The following GALNT15 variants were observed in gnomAD, a reference collection of about 807,000 sequenced individuals.
The protein encoded by GALNT15 is polypeptide N-acetylgalactosaminyltransferase 15.
GALNT15 carries 67 observed loss-of-function variants against 66.8 expected under a neutral mutation model. That is an observed-to-expected ratio of 1.00 (90% CI 0.82 to 1.23). The LOEUF (loss-of-function observed/expected upper bound fraction) is 1.23, where lower values mean the gene tolerates loss of function less well. GALNT15 is among the 50% of genes most tolerant of loss of function. GALNT15 has a pLI of 0.00. For missense variants in GALNT15, 827 were observed against 804.3 expected (o/e 1.03, Z -0.34); for synonymous variants, 313 against 311.5 (o/e 1.00, Z -0.05).
rs1337193355 is a variant in GALNT15, at chr3:16,195,808, C to G, written c.588C>G (p.Ile196Met). ...ACAGCCTGCCCACAGCCAGCGTCAT[C>G]CTCTGTTTCCATGATGAGGCCTGGT... ...PQDSLPTASV[I>M]LCFHDEAWST... is the part of the protein sequence containing the mutation. The change falls in exon 2 of 10, where the codon ATC becomes ATG. Residue 196 changes from isoleucine to methionine, a missense_variant. Physicochemically the swap from Ile to Met is conservative, Grantham distance 10 (BLOSUM62 1). Transcript: ENST00000339732. The surrounding 1 kb of genome is among the most constrained non-coding windows in gnomAD (Gnocchi z 4.6). The G allele has an allele frequency of 1.4e-5, 22 of 1,613,844 alleles. No individual in the cohort carries two copies. Among genetic ancestry groups the G allele is most frequent in the Non-Finnish European group, 1.6e-5 (19 of 1,179,918 alleles).
At position 16,227,344 on chromosome 3, in the gene GALNT15, C is replaced by T. The variant is rs761313063; in HGVS notation, c.1774-10C>T. ...CTGGTTTTCTTTTCTTTTTTCCTTT[C>T]TCTTTTTAGAATGGGATGATTGTCC... On this transcript the variant is annotated splice_polypyrimidine_tract_variant and intron_variant, in intron 9 of 9. Transcript: ENST00000339732. This position sits in a 1 kb window ranked among gnomAD's most constrained non-coding sequence, Gnocchi z 4.5. 2.0e-5 allele frequency: 32 copies of T among 1,595,296 alleles called. No homozygotes were observed. In the East Asian group the frequency reaches 2.0e-4, roughly 10 times the overall value.
At chr3:16,202,869 G>A (rs1431633564) in intron 3 of GALNT15, among the ~76,000 whole-genome samples, 1 of 152,192 alleles carries the variant, frequency 6.6e-6, no homozygotes, top group Non-Finnish European at 1.5e-5. Context: ...TGAGTTCCAG[G>A]AAAGTAAAAA....
Position 16,227,422 on chromosome 3 carries a change from T to C in GALNT15, c.1842T>C (p.Asp614=). The change falls in exon 10 of 10, where the codon GAT becomes GAC. Residue 614 remains aspartate, a synonymous_variant. Coordinates refer to ENST00000339732, the MANE Select transcript of GALNT15 (RefSeq NM_054110.5). The surrounding 1 kb of genome is among the most constrained non-coding windows in gnomAD (Gnocchi z 4.5). The part of the protein sequence containing the change: ...MEAVVQENNK[D]LYLRPCDGKA... Reference sequence around the variant, plus strand: ...CTGTGGTGCAAGAAAACAATAAAGATTTGTACCTGCGTCCGTGTGATGGAA... The same window carrying C: ...CTGTGGTGCAAGAAAACAATAAAGACTTGTACCTGCGTCCGTGTGATGGAA... 6.2e-7 allele frequency: 1 copy of C among 1,614,162 alleles called. No individual in the cohort carries two copies. The highest frequency in any genetic ancestry group is 8.5e-7 in the Non-Finnish European group (1 of 1,180,016).
At chr3:16,231,738 CT>C, downstream of GALNT15, 1 of 1,373,444 alleles carries the variant, frequency 7.3e-7, no homozygotes, top group Non-Finnish European at 1.0e-6. The surrounding 1 kb of genome is among the most constrained non-coding windows in gnomAD (Gnocchi z 4.1). Flanking sequence ...ATGACAAATG[CT>C]AAAATGATAC....
intron 6 of GALNT15, among the ~76,000 whole-genome samples, chr3:16,214,436 G>A (rs2063851136): frequency 6.6e-6 from 1 of 152,216 alleles, no homozygotes; most frequent in African/African-American, 2.4e-5. Flanking sequence ...TCCATCTGTT[G>A]TTAGGAAGAA....
downstream of GALNT15, among the ~76,000 whole-genome samples, chr3:16,233,092 A>ATGTTTTTTTTTTTT (rs771943641): frequency 4.2e-5 from 2 of 48,058 alleles, no homozygotes; most frequent in Admixed American, 2.1e-4. Flanking sequence ...AGGATAATGC[A>ATGTTTTTTTTTTTT]TCTTTTTTTT....
At position 16,174,857 on chromosome 3, in the gene GALNT15, T is replaced by A; in HGVS notation, c.-295T>A. 2.6e-6 allele frequency: 1 copy of A among 383,450 alleles called. No homozygotes were observed. The highest frequency in any genetic ancestry group is 4.3e-5 in the East Asian group (1 of 23,342). 23.8% of individuals were successfully genotyped at this position (383,450 alleles called of 1,614,324 possible). On this transcript the variant is annotated 5_prime_UTR_variant, in exon 1 of 10. Transcript: ENST00000339732. This position sits in a 1 kb window ranked among gnomAD's most constrained non-coding sequence, Gnocchi z 4.7. Reference sequence around the variant, plus strand: ...TTTTTTCCCAAGGAGAAAACCGGGGTAAAGGGAGGGAAGCAATTCAATTTG... The same window carrying A: ...TTTTTTCCCAAGGAGAAAACCGGGGAAAAGGGAGGGAAGCAATTCAATTTG...
intron 5 of GALNT15, among the ~76,000 whole-genome samples, chr3:16,212,005 C>G (rs1347894357): frequency 1.3e-5 from 2 of 152,196 alleles, no homozygotes; most frequent in East Asian, 1.9e-4. Context: ...AGTACTTCTA[C>G]TTTAACCTTT....
chr3:16,216,679 G>T (rs368961179), intron 6 of GALNT15, among the ~76,000 whole-genome samples: 43 of 152,296 alleles, frequency 2.8e-4, no homozygotes, highest in East Asian at 1.5e-3. Context: ...CCCCTGGCGG[G>T]GGCTGTTCAC....
At position 16,183,499 on chromosome 3, in the gene GALNT15, C is replaced by T. The variant is rs577986191; in HGVS notation, c.539+7809C>T. Among the ~76,000 whole-genome samples the T allele has an allele frequency of 6.6e-6, 1 of 152,330 alleles. No individual in the cohort carries two copies. Among genetic ancestry groups the T allele is most frequent in the East Asian group, 1.9e-4 (1 of 5,194 alleles). On this transcript the variant is annotated intron_variant, in intron 1 of 9. Coordinates refer to ENST00000339732, the MANE Select transcript of GALNT15 (RefSeq NM_054110.5). This position sits in a 1 kb window ranked among gnomAD's most constrained non-coding sequence, Gnocchi z 5.2. ...ATCTTGACAACCAACTTACACACTT[C>T]CTGAGAACAAGTTCAGTGTCTTTCT...
intron 1 of GALNT15, among the ~76,000 whole-genome samples, chr3:16,177,243 C>T (rs535836636): frequency 6.6e-6 from 1 of 152,324 alleles, no homozygotes; most frequent in South Asian, 2.1e-4. Context: ...TTTTTTGACA[C>T]TATTTTTCAC....
intron 3 of GALNT15, among the ~76,000 whole-genome samples, chr3:16,206,671 T>TAAAAAAAAAAAAAAA (rs1170870767): frequency 1.7e-5 from 1 of 60,046 alleles, no homozygotes; most frequent in African/African-American, 6.1e-5. Flanking sequence ...AGACTCTGTC[T>TAAAAAAAAAAAAAAA]AAAAAAAAAA....
At position 16,181,072 on chromosome 3, in the gene GALNT15, A is replaced by G. The variant is rs2063465534; in HGVS notation, c.539+5382A>G. 6.6e-6 allele frequency among the ~76,000 whole-genome samples: 1 copy of G among 152,206 alleles called. No individual in the cohort carries two copies. The highest frequency in any genetic ancestry group is 1.5e-5 in the Non-Finnish European group (1 of 68,046). Reference sequence around the variant, plus strand: ...TCCAAACAGAAGTTGCCCTTATCATATTCTTGAGTAAATGGCCTAGGAGTA... The same window carrying G: ...TCCAAACAGAAGTTGCCCTTATCATGTTCTTGAGTAAATGGCCTAGGAGTA... On this transcript the variant is annotated intron_variant, in intron 1 of 9. Coordinates refer to ENST00000339732, the MANE Select transcript of GALNT15 (RefSeq NM_054110.5). This position sits in a 1 kb window ranked among gnomAD's most constrained non-coding sequence, Gnocchi z 5.9.
At chr3:16,222,489 C>T in intron 8 of GALNT15, 126 bp from the exon 9 acceptor site, 1 of 1,177,870 alleles carries the variant, frequency 8.5e-7, no homozygotes, top group Non-Finnish European at 1.2e-6. Flanking sequence ...TATGGTCTTT[C>T]TGACCCCGAT....
Position 16,187,141 on chromosome 3 carries a change from G to GA in GALNT15, c.540-8619_540-8618insA, listed in dbSNP as rs2063525910. Among the ~76,000 whole-genome samples the GA allele has an allele frequency of 1.3e-5, 2 of 152,064 alleles. No homozygotes were observed. Among genetic ancestry groups the GA allele is most frequent in the African/African-American group, 4.8e-5 (2 of 41,406 alleles). On this transcript the variant is annotated intron_variant, in intron 1 of 9. Transcript: ENST00000339732. This position sits in a 1 kb window ranked among gnomAD's most constrained non-coding sequence, Gnocchi z 5.1. Reference sequence around the variant, plus strand: ...TAGCGAGGCATGGTGGTGCATGCCTGTAATCCCAGCTACTCAGGAGGCTGA... The same window carrying GA: ...TAGCGAGGCATGGTGGTGCATGCCTGATAATCCCAGCTACTCAGGAGGCTGA...
rs1006404752 is a variant in GALNT15, at chr3:16,180,281, A to G, written c.539+4591A>G. Among the ~76,000 whole-genome samples the G allele has an allele frequency of 6.6e-6, 1 of 152,184 alleles. No homozygotes were observed. Among genetic ancestry groups the G allele is most frequent in the African/African-American group, 2.4e-5 (1 of 41,436 alleles). On this transcript the variant is annotated intron_variant, in intron 1 of 9. Coordinates refer to ENST00000339732, the MANE Select transcript of GALNT15 (RefSeq NM_054110.5). This position sits in a 1 kb window ranked among gnomAD's most constrained non-coding sequence, Gnocchi z 5.0. Reference sequence around the variant, plus strand: ...AAGGCACACTCTTTATGCCGAACAGACTGGCCAGAGCAGTGCTCCTCAAAC... The same window carrying G: ...AAGGCACACTCTTTATGCCGAACAGGCTGGCCAGAGCAGTGCTCCTCAAAC...
the GALNT15 span, among the ~76,000 whole-genome samples, chr3:16,244,858 G>A: frequency 6.6e-6 from 1 of 152,184 alleles, no homozygotes; most frequent in East Asian, 1.9e-4. Context: ...GTTCAGTAAG[G>A]TATGGCGGAG....
Position 16,182,456 on chromosome 3 carries a change from C to A in GALNT15, c.539+6766C>A, listed in dbSNP as rs376026134. On this transcript the variant is annotated intron_variant, in intron 1 of 9. Transcript: ENST00000339732. The surrounding 1 kb of genome is among the most constrained non-coding windows in gnomAD (Gnocchi z 6.1). ...TTAGGTGACTAAGAACAGAGATGCTCAAGTCACTTAAGGTGATGGAGTTAC... is the reference window on the plus strand; with the variant it reads ...TTAGGTGACTAAGAACAGAGATGCTAAAGTCACTTAAGGTGATGGAGTTAC... Among the ~76,000 whole-genome samples the A allele has an allele frequency of 6.6e-6, 1 of 152,182 alleles. No individual in the cohort carries two copies. Among genetic ancestry groups the A allele is most frequent in the African/African-American group, 2.4e-5 (1 of 41,432 alleles).
chr3:16,196,997 C>G (rs992499111), intron 2 of GALNT15, among the ~76,000 whole-genome samples: 4 of 152,222 alleles, frequency 2.6e-5, no homozygotes, highest in Non-Finnish European at 5.9e-5. Context: ...TAGCCAGAGG[C>G]TCTGGGAACA....
Sources: gnomAD v4.1 joint callset for allele counts (sites outside exome capture counted in the v4.1 genomes callset) on GRCh38, gnomAD v4.1.1 for gene constraint, Gnocchi (gnomAD v3.1) non-coding constraint, MANE v1.5 for transcripts, NCBI Gene and HGNC (gene_info 2026-07-23, HGNC 2026-07-21) for gene names.